TOX2: variants seen among roughly 807,000 people sequenced by gnomAD.
TOX2 encodes the protein TOX high mobility group box family member 2, also known as granulosa cell HMG box 1.
A neutral mutation model predicts 47.4 loss-of-function variants in TOX2; 15 were observed. That is an observed-to-expected ratio of 0.32 (90% CI 0.21 to 0.49). The LOEUF is 0.49. TOX2 is among the 20% of genes least tolerant of loss of function. The pLI, the probability that TOX2 is intolerant of heterozygous loss-of-function variation, is 0.99. For missense variants in TOX2, 622 were observed against 673.1 expected (o/e 0.92, Z 0.84); for synonymous variants, 290 against 296.6 (o/e 0.98, Z 0.23).
chr20:44,020,251 A>T (rs560242525), intron 3 of TOX2, among the ~76,000 whole-genome samples: 1 of 152,156 alleles, frequency 6.6e-6, no homozygotes, highest in Non-Finnish European at 1.5e-5. Context: ...TGAATCAGTC[A>T]TGGGTCACAG....
intron 3 of TOX2, among the ~76,000 whole-genome samples, chr20:44,019,977 G>A (rs6031298): frequency 0.75 from 113,851 of 152,016 alleles, 43,209 homozygotes; most frequent in African/African-American, 0.87. Context: ...GATCACAGCC[G>A]GCTCAGGAGA....
chr20:44,038,644 A>G (rs2071278512), intron 3 of TOX2, among the ~76,000 whole-genome samples: 1 of 148,380 alleles, frequency 6.7e-6, no homozygotes, highest in African/African-American at 2.5e-5. Flanking sequence ...GGAAAAAAAG[A>G]AAAAAAAAAA....
rs914158509 is a variant in TOX2, at chr20:44,039,887, G to C, written c.412-11419G>C. On this transcript the variant is annotated intron_variant, in intron 3 of 8. Transcript: ENST00000341197. ...TTGGGGCACAGAACACCCTCAGGCA[G>C]GGTGCCGAGGGAAGCTGTCCGCATG... is the stretch of plus-strand genomic sequence containing the variant. Among the ~76,000 whole-genome samples the C allele has an allele frequency of 4.6e-5, 7 of 152,204 alleles. No individual in the cohort carries two copies. In the East Asian group the frequency reaches 1.3e-3, roughly 29 times the overall value.
intron 2 of TOX2, among the ~76,000 whole-genome samples, chr20:43,974,010 C>T (rs915492433): frequency 9.2e-5 from 14 of 152,174 alleles, no homozygotes; most frequent in African/African-American, 3.4e-4. Context: ...CAGTTGGAAT[C>T]AGATTTTCCA....
chr20:44,053,298 C>T (rs992082164), intron 4 of TOX2, among the ~76,000 whole-genome samples: 3 of 152,080 alleles, frequency 2.0e-5, no homozygotes, highest in African/African-American at 4.8e-5. Context: ...GCTTTAGCCT[C>T]GTGCCCTCCC....
intron 1 of TOX2, among the ~76,000 whole-genome samples, chr20:43,960,579 A>T (rs2069741028): frequency 6.6e-6 from 1 of 152,034 alleles, no homozygotes; most frequent in Non-Finnish European, 1.5e-5. Flanking sequence ...TCCCTATAGC[A>T]CTTCCCAGTA....
intron 2 of TOX2, among the ~76,000 whole-genome samples, chr20:43,981,961 T>C (rs2070177281): frequency 6.7e-6 from 1 of 150,072 alleles, no homozygotes; most frequent in Admixed American, 6.7e-5. Flanking sequence ...TAAAGAAAAG[T>C]CTTTAGAATA....
At chr20:43,928,989 A>AAAAAAAAAAC (rs2069215402) in intron 1 of TOX2, among the ~76,000 whole-genome samples, 1 of 150,234 alleles carries the variant, frequency 6.7e-6, no homozygotes, top group African/African-American at 2.5e-5. Flanking sequence ...ATGAAAAAAA[A>AAAAAAAAAAC]AAAAAAAAAA....
chr20:44,047,351 GTTACTAAAAAAGAAAA>G (rs1013647257), intron 3 of TOX2, among the ~76,000 whole-genome samples: 3 of 152,108 alleles, frequency 2.0e-5, no homozygotes, highest in African/African-American at 7.2e-5. Context: ...AGATGTTTCT[GTTACTAAAAAAGAAAA>G]TGTGAAAATA....
chr20:44,035,066 G>T (rs1442578323), intron 3 of TOX2, among the ~76,000 whole-genome samples: 1 of 152,132 alleles, frequency 6.6e-6, no homozygotes, highest in African/African-American at 2.4e-5. Flanking sequence ...ATCTTCCTCA[G>T]TGCCTCTCGG....
intron 3 of TOX2, among the ~76,000 whole-genome samples, chr20:44,019,080 T>TTGACTGACTGAC (rs112089152): frequency 6.6e-6 from 1 of 151,996 alleles, no homozygotes; most frequent in Non-Finnish European, 1.5e-5. Context: ...AAAAGGTTTG[T>TTGACTGACTGAC]TGACTGACTG....
At chr20:43,927,634 T>TCCTTCCTTCCTA (rs1569003524) in intron 1 of TOX2, among the ~76,000 whole-genome samples, 4 of 129,914 alleles carry the variant, frequency 3.1e-5, no homozygotes, top group Non-Finnish European at 6.4e-5. Context: ...CCTCCTTCCT[T>TCCTTCCTTCCTA]CCTTCCTCCC....
intron 2 of TOX2, among the ~76,000 whole-genome samples, chr20:44,004,670 T>G (rs1025984896): frequency 1.3e-5 from 2 of 152,222 alleles, no homozygotes; most frequent in African/African-American, 4.8e-5. Context: ...TGCCACAGGC[T>G]GTACACACAC....
At chr20:43,964,761 G>A (rs2069821863) in intron 1 of TOX2, among the ~76,000 whole-genome samples, 1 of 152,132 alleles carries the variant, frequency 6.6e-6, no homozygotes, top group Non-Finnish European at 1.5e-5. Context: ...GGAAGCCTTG[G>A]GATTTCTAGG....
Position 44,065,953 on chromosome 20 carries a change from C to T in TOX2, c.1202C>T (p.Thr401Ile). ...PPPPSFPLSP[T>I]LHQQLSLPPH... ...CCACCCTCCTTCCCGCTCAGCCCCACACTGCACCAGCAGCTGTCACTGCCC... is the reference window on the plus strand; with the variant it reads ...CCACCCTCCTTCCCGCTCAGCCCCATACTGCACCAGCAGCTGTCACTGCCC... Residue 401 changes from threonine to isoleucine, a missense_variant, in exon 7 of 9, where the codon ACA (threonine) becomes ATA (isoleucine). Physicochemically the swap from Thr to Ile is moderately conservative, Grantham distance 89. Around this residue, in one of 3 missense-constraint regions of TOX2, gnomAD observed 294 missense variants for 300.0 expected, o/e 0.98. Transcript: ENST00000341197. 1 of 1,613,424 alleles carries T rather than the reference C, an allele frequency of 6.2e-7. No homozygotes were observed. Among genetic ancestry groups the T allele is most frequent in the Non-Finnish European group, 8.5e-7 (1 of 1,179,844 alleles).
At chr20:43,999,738 T>C (rs552642353) in intron 2 of TOX2, among the ~76,000 whole-genome samples, 1 of 152,352 alleles carries the variant, frequency 6.6e-6, no homozygotes, top group African/African-American at 2.4e-5. Context: ...CTCAAATTCA[T>C]ATGGAATTGC....
chr20:43,933,234 G>A (rs1233254976), intron 1 of TOX2, among the ~76,000 whole-genome samples: 1 of 152,164 alleles, frequency 6.6e-6, no homozygotes, highest in Non-Finnish European at 1.5e-5. Context: ...TGTGAACTTT[G>A]GGGGGACCAC....
In TOX2 at chr20:43,981,933, T is replaced by TCC. The variant is rs2070176003; in HGVS notation, c.165+8501_165+8502insCC. 2.2e-5 allele frequency among the ~76,000 whole-genome samples: 3 copies of TCC among 138,398 alleles called. No individual in the cohort carries two copies. The Admixed American group carries it at 2.3e-4, about 11-fold the overall frequency. 90.8% of individuals were successfully genotyped at this position (138,398 alleles called of 152,430 possible). A position where few individuals can be genotyped will look rare whatever the true frequency, so the allele number is the denominator to read the frequency against. On this transcript the variant is annotated intron_variant, in intron 2 of 8. Coordinates refer to ENST00000341197, the MANE Select transcript of TOX2 (RefSeq NM_001098797.2). ...AGATGAAGATTCCATAGAAGGGATT[T>TCC]TCTTTTTTTTTTTTTTTTAAAGAAA...
intron 5 of TOX2, among the ~76,000 whole-genome samples, chr20:44,062,782 T>TAAAA (rs374144334): frequency 0.057 from 8,635 of 152,168 alleles, 315 homozygotes; most frequent in African/African-American, 0.11. Context: ...GGTACTGGTA[T>TAAAA]AAAAATAGGC....
Sources: gnomAD v4.1 joint callset for allele counts (sites outside exome capture counted in the v4.1 genomes callset) on GRCh38, gnomAD v4.1.1 for gene constraint, gnomAD v4.1.1 regional missense constraint, MANE v1.5 for transcripts, NCBI Gene and HGNC (gene_info 2026-07-23, HGNC 2026-07-21) for gene names.